The following PAN3 variants were observed in gnomAD, a reference collection of about 807,000 sequenced individuals.
PAN3 encodes the protein PAN2-PAN3 deadenylation complex subunit PAN3.
PAN3 carries 19 observed loss-of-function variants against 96.2 expected under a neutral mutation model. The ratio of observed to expected loss-of-function variants is 0.20; its 90% CI spans 0.14 to 0.29. PAN3 has a LOEUF of 0.29. PAN3 is among the 10% of genes least tolerant of loss of function. The probability of loss-of-function intolerance (pLI) is 1.00; values close to 1 mark genes in which losing one functional copy is unlikely to be tolerated. For missense variants in PAN3, 882 were observed against 1,108.1 expected, an observed-to-expected ratio of 0.80 and a Z score of 2.90; for synonymous variants, 433 against 406.6, an observed-to-expected ratio of 1.06 and a Z score of -0.78.
In PAN3 at chr13:28,272,863, C is replaced by G. The variant is rs188060141; in HGVS notation, c.2049+792C>G. Among the ~76,000 whole-genome samples, 465 of 152,238 alleles carry G rather than the reference C, an allele frequency of 3.1e-3. 3 individuals carry two copies. Among genetic ancestry groups the G allele is most frequent in the African/African-American group, 0.011 (448 of 41,546 alleles). On this transcript the variant is annotated intron_variant, in intron 14 of 18. Transcript: ENST00000380958. ...GGATTACAGGCATGAGCCACTGTGC[C>G]CGGCCTCCTGATAACGTCAGAGACT...
chr13:28,242,661 A>G (rs1883788301), intron 6 of PAN3, among the ~76,000 whole-genome samples: 1 of 152,190 alleles, frequency 6.6e-6, no homozygotes, highest in South Asian at 2.1e-4. Context: ...CTGTTGATGT[A>G]TGAGAGGAAG....
rs74878017 is a variant in PAN3, at chr13:28,169,051, A to G, written c.431-5221A>G. 1.5e-3 allele frequency among the ~76,000 whole-genome samples: 227 copies of G among 152,114 alleles called. 5 individuals are homozygous for G. The East Asian group carries it at 0.038, about 26-fold the overall frequency. ...AAAGTGAATTGCAAACTATTAGTCC[A>G]TGGAAACAGTGTAGGATTTACTTAA... On this transcript the variant is annotated intron_variant, in intron 1 of 18. Coordinates refer to ENST00000380958, the MANE Select transcript of PAN3 (RefSeq NM_175854.8).
At position 28,267,406 on chromosome 13, in the gene PAN3, GA is replaced by G. The variant is rs1190785298; in HGVS notation, c.1792+10del. 1.2e-6 allele frequency: 2 copies of G among 1,606,068 alleles called. No individual in the cohort carries two copies. The highest frequency in any genetic ancestry group is 1.7e-5 in the Admixed American group (1 of 59,920). ...ACTTCACCAAGAGAAAGTGGGGTAA[GA>G]AAAAGATGCAGGCAAACTATATTTT... is the stretch of plus-strand genomic sequence containing the variant. On this transcript the variant is annotated splice_donor_region_variant and intron_variant, in intron 12 of 18. Coordinates refer to ENST00000380958, the MANE Select transcript of PAN3 (RefSeq NM_175854.8).
intron 1 of PAN3, among the ~76,000 whole-genome samples, chr13:28,162,006 C>G (rs1440238437): frequency 2.0e-5 from 3 of 152,164 alleles, no homozygotes; most frequent in Non-Finnish European, 4.4e-5. Context: ...CTAACACACT[C>G]TATTACAAAG....
chr13:28,242,477 C>G (rs1412348445), intron 6 of PAN3, among the ~76,000 whole-genome samples: 1 of 151,962 alleles, frequency 6.6e-6, no homozygotes, highest in East Asian at 1.9e-4. Flanking sequence ...CAGTTCTTCC[C>G]CATAGAACAA....
intron 6 of PAN3, among the ~76,000 whole-genome samples, chr13:28,225,682 T>G (rs1881921129): frequency 6.6e-6 from 1 of 152,230 alleles, no homozygotes; most frequent in Admixed American, 6.5e-5. Context: ...AAACTCAGTC[T>G]TCTGCTAAAC....
At chr13:28,228,342 G>A (rs1297900708) in intron 6 of PAN3, among the ~76,000 whole-genome samples, 1 of 152,016 alleles carries the variant, frequency 6.6e-6, no homozygotes, top group Non-Finnish European at 1.5e-5. Context: ...ATGTAGGTAG[G>A]GTCTTAGTAA....
intron 4 of PAN3, among the ~76,000 whole-genome samples, chr13:28,192,913 C>A (rs1212491378): frequency 6.6e-6 from 1 of 152,152 alleles, no homozygotes; most frequent in African/African-American, 2.4e-5. Context: ...TACATTGCTA[C>A]CATCTCTTTT....
chr13:28,232,642 TAAA>T lies in PAN3; in HGVS notation c.1000+12268_1000+12270del, dbSNP rs1380112409. On this transcript the variant is annotated intron_variant, in intron 6 of 18. Transcript: ENST00000380958. Reference sequence around the variant, plus strand: ...TAAAAAATTTATAAAGATTAAAAAATAAAAAATTTATAAAATACTGTATTGAGA... The same window carrying T: ...TAAAAAATTTATAAAGATTAAAAAATAAATTTATAAAATACTGTATTGAGA... 1.1e-4 allele frequency: 17 copies of T among 151,932 alleles called. No individual in the cohort carries two copies. The East Asian group carries it at 2.9e-3, about 26-fold the overall frequency. 9.4% of individuals were successfully genotyped at this position (151,932 alleles called of 1,614,324 possible).
At position 28,263,827 on chromosome 13, in the gene PAN3, T is replaced by C. The variant is rs543353994; in HGVS notation, c.1411+2369T>C. 2.0e-5 allele frequency among the ~76,000 whole-genome samples: 3 copies of C among 152,280 alleles called. No individual in the cohort carries two copies. In the South Asian group the frequency reaches 6.2e-4, roughly 32 times the overall value. ...AAAATAAAAATTAATTTTATCTACA[T>C]TTGTAGCGATGATAAAATATTTAAA... is the stretch of plus-strand genomic sequence containing the variant. On this transcript the variant is annotated intron_variant, in intron 9 of 18. Coordinates refer to ENST00000380958, the MANE Select transcript of PAN3 (RefSeq NM_175854.8).
chr13:28,214,243 G>A (rs1364702589), intron 5 of PAN3, among the ~76,000 whole-genome samples: 1 of 152,176 alleles, frequency 6.6e-6, no homozygotes, highest in South Asian at 2.1e-4. Flanking sequence ...AATGAAACGT[G>A]TATTTGTGTA....
chr13:28,207,576 A>T (rs1202432046), intron 5 of PAN3, among the ~76,000 whole-genome samples: 1 of 152,192 alleles, frequency 6.6e-6, no homozygotes, highest in Non-Finnish European at 1.5e-5. Context: ...CTTTTTGAAC[A>T]TTCACCTTGG....
intron 12 of PAN3, 146 bp downstream of exon 12, chr13:28,267,547 G>C (rs1886287465): frequency 1.4e-6 from 1 of 691,974 alleles, no homozygotes; most frequent in African/African-American, 1.8e-5. Flanking sequence ...TTGTTTTCAT[G>C]TTCCTGATAA....
chr13:28,285,204 T>G (rs1337389592), intron 17 of PAN3, among the ~76,000 whole-genome samples: 2 of 152,198 alleles, frequency 1.3e-5, no homozygotes, highest in Non-Finnish European at 2.9e-5. Flanking sequence ...TGGGTCGTTT[T>G]CAGTAAATTC....
intron 5 of PAN3, among the ~76,000 whole-genome samples, chr13:28,210,541 G>A (rs1879907713): frequency 6.6e-6 from 1 of 151,900 alleles, no homozygotes; most frequent in Non-Finnish European, 1.5e-5. Context: ...GCTTCAGAAA[G>A]TTTATAAACT....
At chr13:28,228,302 C>T (rs1263284932) in intron 6 of PAN3, among the ~76,000 whole-genome samples, 1 of 152,022 alleles carries the variant, frequency 6.6e-6, no homozygotes, top group African/African-American at 2.4e-5. Flanking sequence ...TTCTTACTGC[C>T]TTTCAGATGT....
At chr13:28,289,565 C>T (rs1290838875) in intron 18 of PAN3, among the ~76,000 whole-genome samples, 1 of 152,164 alleles carries the variant, frequency 6.6e-6, no homozygotes, top group Non-Finnish European at 1.5e-5. Context: ...GCCACCACGC[C>T]CAGCAGCATT....
chr13:28,251,587 A>G (rs974592533), intron 6 of PAN3, among the ~76,000 whole-genome samples: 3 of 152,038 alleles, frequency 2.0e-5, no homozygotes, highest in African/African-American at 4.8e-5. Context: ...CAGTCCTCCA[A>G]CCTTCCTCCT....
chr13:28,224,981 T>A (rs927213285), intron 6 of PAN3, among the ~76,000 whole-genome samples: 3 of 152,174 alleles, frequency 2.0e-5, no homozygotes, highest in African/African-American at 4.8e-5. Flanking sequence ...ATCTAATTAT[T>A]ATACCAAAAT....
Sources: gnomAD v4.1 joint callset for allele counts (sites outside exome capture counted in the v4.1 genomes callset) on GRCh38, gnomAD v4.1.1 for gene constraint, MANE v1.5 for transcripts, NCBI Gene and HGNC (gene_info 2026-07-23, HGNC 2026-07-21) for gene names.